The following ZDHHC20 variants were observed in gnomAD, a reference collection of about 807,000 sequenced individuals.
The protein encoded by ZDHHC20 is zDHHC palmitoyltransferase 20.
ZDHHC20 carries 43 observed loss-of-function variants against 57.8 expected under a neutral mutation model. The observed-to-expected ratio is 0.74, with a 90% CI of 0.58 to 0.96. The LOEUF (loss-of-function observed/expected upper bound fraction) is 0.96. ZDHHC20 is among the 40% of genes least tolerant of loss of function. The pLI, the probability that ZDHHC20 is intolerant of heterozygous loss-of-function variation, is 0.00. For missense variants in ZDHHC20, 391 were observed against 441.1 expected (o/e 0.89, Z 1.02); for synonymous variants, 157 against 153.0 (o/e 1.03, Z -0.19).
chr13:21,459,159 T>C lies in ZDHHC20; in HGVS notation c.13A>G (p.Thr5Ala). 3 of 1,600,680 alleles carry C rather than the reference T, an allele frequency of 1.9e-6. No individual in the cohort carries two copies. The highest frequency in any genetic ancestry group is 8.5e-7 in the Non-Finnish European group (1 of 1,175,000). ...ACGCGCTGGCAGCAGCGCCACAGCG[T>C]CCAGGGCGCCATGTTCCGCTGGCGG... The part of the protein sequence containing the change: MAPW[T>A]LWRCCQRVVG... The change falls in exon 1 of 13, where the codon ACG becomes GCG. Residue 5 changes from threonine (T) to alanine (A), a missense_variant. Physicochemically the swap from Thr to Ala is moderately conservative, Grantham distance 58. This residue lies in a region of ZDHHC20 where 185 missense variants were observed against 188.0 expected (regional missense o/e 0.98). Coordinates refer to ENST00000400590, the MANE Select transcript of ZDHHC20 (RefSeq NM_001330059.2).
At chr13:21,434,910 T>C (rs920077746) in intron 1 of ZDHHC20, among the ~76,000 whole-genome samples, 8 of 152,254 alleles carry the variant, frequency 5.3e-5, no homozygotes, top group African/African-American at 1.4e-4. Flanking sequence ...AATAACCTTG[T>C]GCATGTGTTG....
intron 4 of ZDHHC20, among the ~76,000 whole-genome samples, chr13:21,413,295 T>A (rs1195904756): frequency 1.3e-5 from 2 of 151,868 alleles, no homozygotes; most frequent in Non-Finnish European, 2.9e-5. Flanking sequence ...ACTTTTGGAT[T>A]TTTTTTTAAT....
chr13:21,399,863 G>C (rs545859848), intron 7 of ZDHHC20, among the ~76,000 whole-genome samples: 1 of 151,992 alleles, frequency 6.6e-6, no homozygotes, highest in East Asian at 1.9e-4. Flanking sequence ...TTCTTAAGCT[G>C]CATTGCATTC....
intron 1 of ZDHHC20, among the ~76,000 whole-genome samples, chr13:21,447,029 A>C (rs1336624568): frequency 6.6e-6 from 1 of 152,108 alleles, no homozygotes; most frequent in Non-Finnish European, 1.5e-5. Flanking sequence ...AACTGGTATT[A>C]ATTTGAAAAA....
chr13:21,426,663 T>A lies in ZDHHC20; in HGVS notation c.119-985A>T, dbSNP rs1245165458. ...CTCTGTTGCCCAGCCTGGAGTGCAG[T>A]GGCACAATCTTGGCTCACTGCAACC... On this transcript the variant is annotated intron_variant, in intron 1 of 12. Transcript: ENST00000400590. Among the ~76,000 whole-genome samples the A allele has an allele frequency of 2.7e-5, 4 of 150,164 alleles. No homozygotes were observed. In the South Asian group the frequency reaches 6.3e-4, roughly 24 times the overall value.
rs1253314916 is a variant in ZDHHC20, at chr13:21,375,223, A to G, written c.*1473T>C. Reference sequence around the variant, plus strand: ...TGTTAGAAGTCATCCAGTCCAACTTATTCACAACACCCCCTCCCCTGCAGT... The same window carrying G: ...TGTTAGAAGTCATCCAGTCCAACTTGTTCACAACACCCCCTCCCCTGCAGT... On this transcript the variant is annotated 3_prime_UTR_variant, in exon 13 of 13. Coordinates refer to ENST00000400590, the MANE Select transcript of ZDHHC20 (RefSeq NM_001330059.2). The G allele has an allele frequency of 2.2e-6, 1 of 455,104 alleles. No homozygotes were observed. Among genetic ancestry groups the G allele is most frequent in the Middle Eastern group, 3.5e-4 (1 of 2,874 alleles). The allele number at this position is 455,104 out of a possible 1,614,324, so 28.2% of individuals were successfully genotyped here.
At chr13:21,378,608 G>A in intron 12 of ZDHHC20, 53 bp downstream of exon 12, 1 of 1,052,392 alleles carries the variant, frequency 9.5e-7, no homozygotes, top group Non-Finnish European at 1.3e-6. Context: ...TAAAGATTAT[G>A]AAATATGCAA....
chr13:21,416,814 A>G (rs1008720581), intron 3 of ZDHHC20, among the ~76,000 whole-genome samples: 10 of 152,206 alleles, frequency 6.6e-5, no homozygotes, highest in Non-Finnish European at 1.3e-4. Context: ...AGCTCAATAC[A>G]CTGCTTGAGT....
At chr13:21,429,815 T>C (rs201709862) in intron 1 of ZDHHC20, among the ~76,000 whole-genome samples, 15 of 152,324 alleles carry the variant, frequency 9.8e-5, no homozygotes, top group South Asian at 2.1e-4. Flanking sequence ...TTTGTTCAGA[T>C]TGGGTAATTT....
chr13:21,381,417 C>T lies in ZDHHC20; in HGVS notation c.1060+17G>A, dbSNP rs771782755. 2.5e-6 allele frequency: 4 copies of T among 1,586,588 alleles called. No homozygotes were observed. In the Admixed American group the frequency reaches 6.7e-5, roughly 27 times the overall value. On this transcript the variant is annotated intron_variant, in intron 11 of 12. Coordinates refer to ENST00000400590, the MANE Select transcript of ZDHHC20 (RefSeq NM_001330059.2). ...ATTTGAACCAGACAAAGCAGTGTTT[C>T]AAATGAGAACTATTACCTGATTTGA... is the stretch of plus-strand genomic sequence containing the variant.
intron 11 of ZDHHC20, among the ~76,000 whole-genome samples, chr13:21,380,701 G>GAA: frequency 6.6e-6 from 1 of 151,356 alleles, no homozygotes; most frequent in South Asian, 2.1e-4. Context: ...CTGAGGCAGG[G>GAA]GAATCACTTG....
chr13:21,424,512 A>G (rs1055296017), intron 2 of ZDHHC20, among the ~76,000 whole-genome samples: 2 of 152,178 alleles, frequency 1.3e-5, no homozygotes, highest in African/African-American at 4.8e-5. Context: ...GATCGAGACC[A>G]TCCTGACTAA....
intron 1 of ZDHHC20, among the ~76,000 whole-genome samples, chr13:21,440,779 G>T (rs944724296): frequency 3.3e-5 from 5 of 151,866 alleles, no homozygotes; most frequent in Non-Finnish European, 7.4e-5. Context: ...TCTGTAATTT[G>T]ATGTGCTATT....
chr13:21,414,430 G>T (rs1280486922), intron 3 of ZDHHC20, among the ~76,000 whole-genome samples: 1 of 150,616 alleles, frequency 6.6e-6, no homozygotes, highest in African/African-American at 2.4e-5. Flanking sequence ...GAGTGATTTC[G>T]GCTCACTGCA....
chr13:21,387,389 T>C (rs1168065093), intron 9 of ZDHHC20, 119 bp downstream of exon 9: 1 of 791,490 alleles, frequency 1.3e-6, no homozygotes, highest in African/African-American at 1.8e-5. Context: ...TGAGTTTTCA[T>C]TCTCAAAGTC....
chr13:21,384,524 G>C (rs1369234092), intron 9 of ZDHHC20, among the ~76,000 whole-genome samples: 1 of 150,460 alleles, frequency 6.6e-6, no homozygotes, highest in Non-Finnish European at 1.5e-5. Flanking sequence ...AGTTGAGAGA[G>C]AGCAAGATAT....
intron 9 of ZDHHC20, 31 bp downstream of exon 9, chr13:21,387,477 T>C (rs1205165858): frequency 1.4e-6 from 2 of 1,449,040 alleles, no homozygotes; most frequent in Admixed American, 2.5e-5. Flanking sequence ...ACAGATGCCA[T>C]AATCTCTGAG....
At chr13:21,401,325 T>C (rs901429146) in intron 6 of ZDHHC20, among the ~76,000 whole-genome samples, 1 of 152,018 alleles carries the variant, frequency 6.6e-6, no homozygotes, top group African/African-American at 2.4e-5. Flanking sequence ...ATCAGAAAAC[T>C]AGAAAACTTA....
intron 7 of ZDHHC20, among the ~76,000 whole-genome samples, chr13:21,393,706 A>C (rs1876233152): frequency 2.8e-5 from 4 of 143,584 alleles, no homozygotes; most frequent in Admixed American, 1.4e-4. Context: ...TCACAAAAAA[A>C]AAAAAAAAAA....
Sources: gnomAD v4.1 joint callset for allele counts (sites outside exome capture counted in the v4.1 genomes callset) on GRCh38, gnomAD v4.1.1 for gene constraint, gnomAD v4.1.1 regional missense constraint, MANE v1.5 for transcripts, NCBI Gene and HGNC (gene_info 2026-07-23, HGNC 2026-07-21) for gene names.